Variants in SLC12A4 observed in about 807,000 individuals in gnomAD.
SLC12A4 encodes the protein solute carrier family 12 member 4.
In SLC12A4, 84 loss-of-function variants were observed where a neutral mutation model predicts 119.2. That is an observed-to-expected ratio of 0.70 (90% CI 0.59 to 0.85). SLC12A4 has a LOEUF of 0.85. Among genes scored for constraint, SLC12A4 ranks in the 40% least tolerant of loss-of-function variants. The probability of loss-of-function intolerance (pLI) is 0.00; values close to 1 mark genes in which losing one functional copy is unlikely to be tolerated. For missense variants in SLC12A4, 1,298 were observed against 1,476.3 expected, an observed-to-expected ratio of 0.88 and a Z score of 1.98; for synonymous variants, 599 against 604.6, an observed-to-expected ratio of 0.99 and a Z score of 0.14.
At position 67,946,094 on chromosome 16, in the gene SLC12A4, G is replaced by A. The variant is rs2058343119; in HGVS notation, c.2608-12C>T. 6.2e-7 allele frequency: 1 copy of A among 1,613,284 alleles called. No individual in the cohort carries two copies. The highest frequency in any genetic ancestry group is 8.5e-7 in the Non-Finnish European group (1 of 1,179,520). On this transcript the variant is annotated splice_polypyrimidine_tract_variant and intron_variant, in intron 19 of 23. Transcript: ENST00000316341. ...CACTTCCTCCAGACCTGAGGCAAGG[G>A]ACCAGGTGGGCGGTTTGGTCACAGC... is the stretch of plus-strand genomic sequence containing the variant.
Position 67,963,904 on chromosome 16 carries a change from G to A in SLC12A4, c.116-345C>T, listed in dbSNP as rs915062385. On this transcript the variant is annotated intron_variant, in intron 1 of 23. Coordinates refer to ENST00000316341, the MANE Select transcript of SLC12A4 (RefSeq NM_005072.5). ...GCCCCCAGATCGCCTCCACGCCCCA[G>A]TCCCTTTCCCGGTCTTTCCGGAGTA... 10 of 1,550,876 alleles carry A rather than the reference G, an allele frequency of 6.4e-6. No individual in the cohort carries two copies. The African/African-American group carries it at 6.8e-5, about 11-fold the overall frequency.
In SLC12A4 at chr16:67,951,743, C is replaced by T. The variant is rs1365947968; in HGVS notation, c.1132+80G>A. On this transcript the variant is annotated intron_variant, in intron 8 of 23. Coordinates refer to ENST00000316341, the MANE Select transcript of SLC12A4 (RefSeq NM_005072.5). This position sits in a 1 kb window ranked among gnomAD's most constrained non-coding sequence, Gnocchi z 5.2. ...AGTCCTGCCCCCGTTCCCAAGCTGG[C>T]CACACAAGGACAGCTCTGTGCTCTG... 1.3e-5 allele frequency: 17 copies of T among 1,295,452 alleles called. No individual in the cohort carries two copies. Among genetic ancestry groups the T allele is most frequent in the Non-Finnish European group, 1.7e-5 (16 of 931,002 alleles). The allele number at this position is 1,295,452 out of a possible 1,614,324, so 80.2% of individuals were successfully genotyped here.
chr16:67,950,712 C>A lies in SLC12A4; in HGVS notation c.1397-1G>T. 1 of 1,607,888 alleles carries A rather than the reference C, an allele frequency of 6.2e-7. No homozygotes were observed. The highest frequency in any genetic ancestry group is 8.5e-7 in the Non-Finnish European group (1 of 1,177,164). On this transcript the variant is annotated splice_acceptor_variant, in intron 10 of 23. Coordinates refer to ENST00000316341, the MANE Select transcript of SLC12A4 (RefSeq NM_005072.5). LOFTEE classifies it high-confidence loss of function. The surrounding 1 kb of genome is among the most constrained non-coding windows in gnomAD (Gnocchi z 4.3). Reference sequence around the variant, plus strand: ...CCAAAGAGAACCACACTGCTGAAGTCTGCGGCGGCGTCAAGGAAAACTCGG... The same window carrying A: ...CCAAAGAGAACCACACTGCTGAAGTATGCGGCGGCGTCAAGGAAAACTCGG...
In SLC12A4 at chr16:67,945,170, A is replaced by T. The variant is rs755912546; in HGVS notation, c.3083T>A (p.Val1028Asp). The T allele has an allele frequency of 1.3e-6, 2 of 1,593,186 alleles. No individual in the cohort carries two copies. Among genetic ancestry groups the T allele is most frequent in the Non-Finnish European group, 1.7e-6 (2 of 1,168,664 alleles). ...RMHTAVKLNE[V>D]IVTRSHDARL... is the part of the protein sequence containing the mutation. ...GGCGTCGTGGGAGCGCGTGACAATG[A>T]CTTCATTGAGCTTCACAGCAGTGTG... The change falls in exon 23 of 24, where the codon GTC becomes GAC. Residue 1028 changes from valine (V) to aspartate (D), a missense_variant. Physicochemically the swap from Val to Asp is radical, Grantham distance 152. Transcript: ENST00000316341.
intron 5 of SLC12A4, 93 bp downstream of exon 5, chr16:67,957,649 G>A: frequency 6.9e-7 from 1 of 1,442,612 alleles, no homozygotes; most frequent in South Asian, 1.2e-5. Context: ...AGAACTGCTT[G>A]GGGCAGGGGT....
Position 67,963,557 on chromosome 16 carries a change from G to T in SLC12A4, c.118C>A (p.His40Asn). The change falls in exon 2 of 24, where the codon CAT becomes AAT. Residue 40 changes from histidine (H) to asparagine (N), a missense_variant and splice_region_variant. By Grantham distance (68) the His-to-Asn change is moderately conservative (BLOSUM62 1). Transcript: ENST00000316341. ...GGGCTGCTCTCTCTGTGGTTGCCAT[G>T]TCCTGTGAAGAGAGAGGGACAATCA... ...ERAELDDSDGHGNHRESSPFL... is the reference protein window; with the variant it reads ...ERAELDDSDGNGNHRESSPFL... 1 of 1,567,392 alleles carries T rather than the reference G, an allele frequency of 6.4e-7. No homozygotes were observed. The highest frequency in any genetic ancestry group is 8.6e-7 in the Non-Finnish European group (1 of 1,163,204).
rs369910597 is a variant in SLC12A4 at position 67,944,142 on chromosome 16, C to A, written c.*698G>T. 739 of 1,534,648 alleles carry A rather than the reference C, an allele frequency of 4.8e-4. 4 individuals carry two copies. In the African/African-American group the frequency reaches 9.3e-3, roughly 19 times the overall value. On this transcript the variant is annotated 3_prime_UTR_variant, in exon 24 of 24. Transcript: ENST00000316341. This position sits in a 1 kb window ranked among gnomAD's most constrained non-coding sequence, Gnocchi z 6.6. The stretch of plus-strand genomic sequence containing the variant: ...TACTGCCAGAGAAAGCGGCACTGGG[C>A]TGTCCTTATCTGGTGTGGGAGTGGG...
At chr16:67,952,794 AAAAT>A (rs2030003538) in intron 6 of SLC12A4, among the ~76,000 whole-genome samples, 1 of 141,536 alleles carries the variant, frequency 7.1e-6, no homozygotes, top group African/African-American at 2.7e-5. Context: ...GTCTCAAAAA[AAAAT>A]AAAAAATAGG....
chr16:67,965,707 T>C (rs1023224027), intron 1 of SLC12A4, among the ~76,000 whole-genome samples: 1 of 152,194 alleles, frequency 6.6e-6, no homozygotes, highest in Non-Finnish European at 1.5e-5. Flanking sequence ...CACAAATGCC[T>C]GTAAATGGTC....
rs2030379366 is a variant in SLC12A4 at position 67,958,109 on chromosome 16, C to G, written c.343-65G>C. On this transcript the variant is annotated intron_variant, in intron 3 of 23. Transcript: ENST00000316341. ...AGGGATGCACCATGGAGAGTCAGCC[C>G]TAGTCACTCAGCAGGCCCCCTCCCC... 2.6e-5 allele frequency: 41 copies of G among 1,558,520 alleles called. 1 individual carries two copies. Among genetic ancestry groups the G allele is most frequent in the Non-Finnish European group, 3.3e-5 (38 of 1,147,088 alleles).
chr16:67,958,195 T>C, intron 3 of SLC12A4, 151 bp from the exon 4 acceptor site: 2 of 734,456 alleles, frequency 2.7e-6, no homozygotes, highest in Non-Finnish European at 4.4e-6. Flanking sequence ...CTATTGACTT[T>C]CATATAGGAA....
rs1273016870 is a variant in SLC12A4, at chr16:67,952,030, T to G, written c.925A>C (p.Met309Leu). The G allele has an allele frequency of 6.2e-7, 1 of 1,613,738 alleles. No homozygotes were observed. Among genetic ancestry groups the G allele is most frequent in the Non-Finnish European group, 8.5e-7 (1 of 1,179,874 alleles). ...CGGGACAGGGTCCTGTTGCCCAGCA[T>G]GCATACCCTGTGAGGGACAGAAGCA... ...IFDPPVFPVCMLGNRTLSRDQ... is the reference protein window; with the variant it reads ...IFDPPVFPVCLLGNRTLSRDQ... Residue 309 changes from methionine (M) to leucine (L), a missense_variant, in exon 8 of 24, where the codon ATG becomes CTG. By Grantham distance (15) the Met-to-Leu change is conservative. Coordinates refer to ENST00000316341, the MANE Select transcript of SLC12A4 (RefSeq NM_005072.5).
intron 3 of SLC12A4, 148 bp downstream of exon 3, chr16:67,961,427 C>A: frequency 8.2e-7 from 1 of 1,218,224 alleles, no homozygotes; most frequent in East Asian, 2.4e-5. Context: ...CCTCCTGAGA[C>A]AAGGCATTCA....
At chr16:67,966,791 G>A in intron 1 of SLC12A4, 2 of 1,551,312 alleles carry the variant, frequency 1.3e-6, no homozygotes, top group Non-Finnish European at 1.7e-6. Flanking sequence ...GACAGCCAAG[G>A]TCTGGCTGGA....
rs1598205187 is a variant in SLC12A4 at position 67,943,649 on chromosome 16, C to A, written c.*1191G>T. 1.9e-6 allele frequency: 1 copy of A among 527,576 alleles called. No individual in the cohort carries two copies. Among genetic ancestry groups the A allele is most frequent in the East Asian group, 3.3e-5 (1 of 30,698 alleles). 32.7% of individuals were successfully genotyped at this position (527,576 alleles called of 1,614,324 possible). On this transcript the variant is annotated 3_prime_UTR_variant, in exon 24 of 24. Coordinates refer to ENST00000316341, the MANE Select transcript of SLC12A4 (RefSeq NM_005072.5). This position sits in a 1 kb window ranked among gnomAD's most constrained non-coding sequence, Gnocchi z 4.6. ...CCAAGGAAGGAGTGGTGGGGCTTGGCCCAGAGTCTGGTGTGGCTGTGACTG... is the reference window on the plus strand; with the variant it reads ...CCAAGGAAGGAGTGGTGGGGCTTGGACCAGAGTCTGGTGTGGCTGTGACTG...
In SLC12A4 at chr16:67,950,332, A is replaced by G; in HGVS notation, c.1616T>C (p.Ile539Thr). 6.2e-7 allele frequency: 1 copy of G among 1,613,762 alleles called. No homozygotes were observed. Among genetic ancestry groups the G allele is most frequent in the Non-Finnish European group, 8.5e-7 (1 of 1,179,974 alleles). ...LLQAIAKDNI[I>T]PFLRVFGHGK... ...AGAGGGGCTCACCCGGAGGAAGGGG[A>G]TGATGTTGTCCTTGGCAATGGCCTG... The change falls in exon 12 of 24, where the codon ATC (isoleucine) becomes ACC (threonine). Residue 539 changes from isoleucine to threonine, a missense_variant. By Grantham distance (89) the Ile-to-Thr change is moderately conservative. Transcript: ENST00000316341. This position sits in a 1 kb window ranked among gnomAD's most constrained non-coding sequence, Gnocchi z 4.3.
chr16:67,952,066 C>A, intron 7 of SLC12A4, 29 bp from the exon 8 acceptor site: 1 of 1,610,752 alleles, frequency 6.2e-7, no homozygotes, highest in South Asian at 1.1e-5. Flanking sequence ...CCGGCACCTG[C>A]TCAGGTCAAA....
Position 67,949,776 on chromosome 16 carries a change from C to G in SLC12A4, c.1748+24G>C. 1 of 1,548,282 alleles carries G rather than the reference C, an allele frequency of 6.5e-7. No individual in the cohort carries two copies. Among genetic ancestry groups the G allele is most frequent in the Non-Finnish European group, 8.9e-7 (1 of 1,126,038 alleles). On this transcript the variant is annotated intron_variant, in intron 13 of 23. Transcript: ENST00000316341. This position sits in a 1 kb window ranked among gnomAD's most constrained non-coding sequence, Gnocchi z 4.6. ...GTTCAGGAAGCCTTTCCCCATCCCC[C>G]TGCCCTGCCCGGCCCCAGCTCACAT...
intron 1 of SLC12A4, among the ~76,000 whole-genome samples, chr16:67,965,053 C>T (rs1339786543): frequency 6.6e-6 from 1 of 152,172 alleles, no homozygotes; most frequent in Non-Finnish European, 1.5e-5. Context: ...GCAGCTCAGC[C>T]CCACATTCAC....
Sources: allele counts gnomAD v4.1 joint callset (sites outside exome capture counted in the v4.1 genomes callset), GRCh38; gene constraint gnomAD v4.1.1; non-coding constraint Gnocchi (gnomAD v3.1); transcripts MANE v1.5; gene names NCBI Gene and HGNC (gene_info 2026-07-23, HGNC 2026-07-21).